Variants in ABL1 observed in about 807,000 individuals in gnomAD.
The protein encoded by ABL1 is tyrosine-protein kinase ABL1.
A neutral mutation model predicts 94.7 loss-of-function variants in ABL1; 11 were observed. The observed-to-expected ratio is 0.12, with a 90% confidence interval of 0.07 to 0.19. The LOEUF (loss-of-function observed/expected upper bound fraction) is 0.19, where lower values mean the gene tolerates loss of function less well. ABL1 is among the 10% of genes least tolerant of loss of function. ABL1 has a pLI of 1.00. For missense variants in ABL1, 1,082 were observed against 1,489.4 expected (o/e 0.73, Z 4.50); for synonymous variants, 656 against 622.4 (o/e 1.05, Z -0.80).
chr9:130,716,148 G>GCAGTGTGGC (rs1450539680), intron 1 of ABL1, among the ~76,000 whole-genome samples: 1 of 142,706 alleles, frequency 7.0e-6, no homozygotes, highest in Admixed American at 7.4e-5. Context: ...GTGCAGGAGT[G>GCAGTGTGGC]CAGTGTGGCG....
chr9:130,882,613 C>T (rs1831477951), intron 10 of ABL1, among the ~76,000 whole-genome samples: 1 of 152,126 alleles, frequency 6.6e-6, no homozygotes, highest in Admixed American at 6.5e-5. Flanking sequence ...CAGCTCACTG[C>T]AACCTCCACC....
chr9:130,880,396 C>A lies in ABL1; in HGVS notation c.1514-104C>A, dbSNP rs947810456. 1 of 1,379,014 alleles carries A rather than the reference C, an allele frequency of 7.3e-7. No homozygotes were observed. Among genetic ancestry groups the A allele is most frequent in the Admixed American group, 2.2e-5 (1 of 46,456 alleles). 85.4% of individuals were successfully genotyped at this position (1,379,014 alleles called of 1,614,324 possible). A position where few individuals can be genotyped will look rare whatever the true frequency, so the allele number is the denominator to read the frequency against. ...CACGTGCCTTTTCTTTAGTTGTATGCAGATGAGCACTGTTACCTTACAAAG... is the reference window on the plus strand; with the variant it reads ...CACGTGCCTTTTCTTTAGTTGTATGAAGATGAGCACTGTTACCTTACAAAG... On this transcript the variant is annotated intron_variant, in intron 9 of 10. Coordinates refer to ENST00000318560, the MANE Select transcript of ABL1 (RefSeq NM_005157.6). This position sits in a 1 kb window ranked among gnomAD's most constrained non-coding sequence, Gnocchi z 4.4.
In ABL1 at chr9:130,757,289, A is replaced by G. The variant is rs185130322; in HGVS notation, c.136+42834A>G. On this transcript the variant is annotated intron_variant, in intron 1 of 10. Coordinates refer to the ABL1 transcript ENST00000372348. ...TTGAAAACTGAAATTGGCCAGCCAC[A>G]GTGGCTCATGTCTGTAATCCCAGCC... Among the ~76,000 whole-genome samples, 196 of 152,270 alleles carry G rather than the reference A, an allele frequency of 1.3e-3. 1 individual carries two copies. Among genetic ancestry groups the G allele is most frequent in the Non-Finnish European group, 2.0e-3 (139 of 68,014 alleles).
chr9:130,856,556 G>A (rs938748435), intron 3 of ABL1, among the ~76,000 whole-genome samples: 1 of 152,092 alleles, frequency 6.6e-6, no homozygotes, highest in East Asian at 1.9e-4. Context: ...GCATGCATAT[G>A]GTTAAAAAAA....
intron 1 of ABL1, among the ~76,000 whole-genome samples, chr9:130,744,207 A>G (rs145868509): frequency 4.0e-5 from 6 of 151,738 alleles, no homozygotes; most frequent in East Asian, 2.0e-4. Flanking sequence ...AGTGGCCACA[A>G]TCTCGGCTCA....
rs563893082 is a variant in ABL1 at position 130,770,278 on chromosome 9, G to A, written c.136+55823G>A. On this transcript the variant is annotated intron_variant, in intron 1 of 10. Transcript: ENST00000372348. ...TCCCAATGCTTTGAGAGGCCAAGGCGGGAGGATCACTTGAAGCCGGGAGTT... is the reference window on the plus strand; with the variant it reads ...TCCCAATGCTTTGAGAGGCCAAGGCAGGAGGATCACTTGAAGCCGGGAGTT... Among the ~76,000 whole-genome samples the A allele has an allele frequency of 5.3e-5, 8 of 152,214 alleles. No homozygotes were observed. In the South Asian group the frequency reaches 6.2e-4, roughly 12 times the overall value.
intron 1 of ABL1, among the ~76,000 whole-genome samples, chr9:130,772,036 G>A (rs1353236467): frequency 6.6e-6 from 1 of 152,194 alleles, no homozygotes; most frequent in Non-Finnish European, 1.5e-5. Context: ...TTACAGGCAT[G>A]AGCCACTGCG....
chr9:130,840,969 T>C (rs747314117), intron 1 of ABL1, among the ~76,000 whole-genome samples: 2 of 152,216 alleles, frequency 1.3e-5, no homozygotes, highest in African/African-American at 2.4e-5. Flanking sequence ...TAATTATAAT[T>C]ACTTAGTTTT....
At chr9:130,765,891 G>A (rs1418281375) in intron 1 of ABL1, among the ~76,000 whole-genome samples, 1 of 152,198 alleles carries the variant, frequency 6.6e-6, no homozygotes, top group Non-Finnish European at 1.5e-5. Context: ...CTTGTCTGTG[G>A]TGGCTTGGTG....
chr9:130,789,367 C>A (rs917696866), intron 1 of ABL1, among the ~76,000 whole-genome samples: 3 of 152,216 alleles, frequency 2.0e-5, no homozygotes, highest in African/African-American at 7.2e-5. Context: ...TTTATCCTAT[C>A]TGTGTGACCT....
At chr9:130,786,118 AAGG>A (rs1829822338) in intron 1 of ABL1, among the ~76,000 whole-genome samples, 1 of 152,282 alleles carries the variant, frequency 6.6e-6, no homozygotes, top group Admixed American at 6.5e-5. Context: ...ACAGGGCAGA[AAGG>A]AGCTGGGGGA....
At chr9:130,719,282 A>G (rs1348858268) in intron 1 of ABL1, among the ~76,000 whole-genome samples, 2 of 152,170 alleles carry the variant, frequency 1.3e-5, no homozygotes, top group Non-Finnish European at 2.9e-5. Flanking sequence ...TAATCCCAGC[A>G]CTTTGGGAGG....
rs1008061697 is a variant in ABL1, at chr9:130,835,820, CA to C, written c.79+296del. ...GGCGCCGCCGGCGGAGCGTGGCCCCCAGCCCCGGCACCAGCCCCGGTAGAGC... is the reference window on the plus strand; with the variant it reads ...GGCGCCGCCGGCGGAGCGTGGCCCCCGCCCCGGCACCAGCCCCGGTAGAGC... On this transcript the variant is annotated intron_variant, in intron 1 of 10. Coordinates refer to ENST00000318560, the MANE Select transcript of ABL1 (RefSeq NM_005157.6). The surrounding 1 kb of genome is among the most constrained non-coding windows in gnomAD (Gnocchi z 4.6). 5.3e-5 allele frequency among the ~76,000 whole-genome samples: 8 copies of C among 152,152 alleles called. No homozygotes were observed. Among genetic ancestry groups the C allele is most frequent in the Non-Finnish European group, 2.9e-5 (2 of 68,006 alleles).
chr9:130,886,838 A>G lies in ABL1; in HGVS notation c.*1155A>G. On this transcript the variant is annotated 3_prime_UTR_variant, in exon 11 of 11. Coordinates refer to ENST00000318560, the MANE Select transcript of ABL1 (RefSeq NM_005157.6). ...GGCACCTGCGCACAGGTGGGAGGAA[A>G]GGGCCTGGCCAGTCCTGGTCCTGGC... The G allele has an allele frequency of 4.3e-6, 1 of 233,310 alleles. No homozygotes were observed. Among genetic ancestry groups the G allele is most frequent in the Non-Finnish European group, 8.5e-6 (1 of 117,878 alleles). The allele number at this position is 233,310 out of a possible 1,614,324, so 14.5% of individuals were successfully genotyped here. A position where few individuals can be genotyped will look rare whatever the true frequency, so the allele number is the denominator to read the frequency against.
chr9:130,750,772 G>A (rs948316335), intron 1 of ABL1, among the ~76,000 whole-genome samples: 1 of 146,728 alleles, frequency 6.8e-6, no homozygotes, highest in African/African-American at 2.5e-5. Flanking sequence ...TCAGCCTCCC[G>A]AGTAGCTGGG....
In ABL1 at chr9:130,880,529, G is replaced by A. The variant is rs766145624; in HGVS notation, c.1543G>A (p.Val515Ile). The A allele has an allele frequency of 4.3e-6, 7 of 1,613,772 alleles. No individual in the cohort carries two copies. The highest frequency in any genetic ancestry group is 2.2e-5 in the East Asian group (1 of 44,886). Reference sequence around the variant, plus strand: ...GGAAAAGGAGCTGGGGAAACAAGGCGTCCGTGGGGCTGTGAGTACCTTGCT... The same window carrying A: ...GGAAAAGGAGCTGGGGAAACAAGGCATCCGTGGGGCTGTGAGTACCTTGCT... ...EVEKELGKQGVRGAVSTLLQA... is the reference protein window; with the variant it reads ...EVEKELGKQGIRGAVSTLLQA... The change falls in exon 10 of 11, where the codon GTC becomes ATC. Residue 515 changes from valine (V) to isoleucine (I), a missense_variant. By Grantham distance (29) the Val-to-Ile change is conservative. This residue lies in a region of ABL1 where 780 missense variants were observed against 835.8 expected (regional missense o/e 0.93). Coordinates refer to ENST00000318560, the MANE Select transcript of ABL1 (RefSeq NM_005157.6). This position sits in a 1 kb window ranked among gnomAD's most constrained non-coding sequence, Gnocchi z 4.4.
chr9:130,764,794 A>G (rs551381972), intron 1 of ABL1, among the ~76,000 whole-genome samples: 5 of 152,240 alleles, frequency 3.3e-5, no homozygotes, highest in Middle Eastern at 6.8e-3. Context: ...TGTCTCTACT[A>G]AAAATACAAA....
At chr9:130,780,717 A>G (rs1037673699) in intron 1 of ABL1, among the ~76,000 whole-genome samples, 6 of 152,210 alleles carry the variant, frequency 3.9e-5, no homozygotes, top group Admixed American at 1.3e-4. Context: ...CACTGGAGAC[A>G]TTTGGGCTGG....
intron 1 of ABL1, among the ~76,000 whole-genome samples, chr9:130,730,823 C>T (rs924850923): frequency 6.6e-6 from 1 of 151,618 alleles, no homozygotes; most frequent in East Asian, 2.0e-4. Context: ...CCACCCACCT[C>T]GGCCTTCCAA....
Sources: gnomAD v4.1 joint callset for allele counts (sites outside exome capture counted in the v4.1 genomes callset) on GRCh38, gnomAD v4.1.1 for gene constraint, gnomAD v4.1.1 regional missense constraint, Gnocchi (gnomAD v3.1) non-coding constraint, MANE v1.5 for transcripts, NCBI Gene and HGNC (gene_info 2026-07-23, HGNC 2026-07-21) for gene names.